The following RBM18 variants were observed in gnomAD, a reference collection of about 807,000 sequenced individuals.
The protein encoded by RBM18 is RNA binding motif protein 18, also known as probable RNA-binding protein 18.
In RBM18, 18 loss-of-function variants were observed where a neutral mutation model predicts 26.4. The observed-to-expected ratio is 0.68, with a 90% confidence interval of 0.47 to 1.01. RBM18 has a LOEUF of 1.01. RBM18 is among the 50% of genes least tolerant of loss of function. The pLI, the probability that RBM18 is intolerant of heterozygous loss-of-function variation, is 0.00. For synonymous variants in RBM18, 74 were observed against 81.1 expected, an observed-to-expected ratio of 0.91 and a Z score of 0.47; for missense variants, 180 against 219.2, an observed-to-expected ratio of 0.82 and a Z score of 1.13.
chr9:122,250,068 T>TA (rs59558933), intron 3 of RBM18, among the ~76,000 whole-genome samples: 3 of 107,170 alleles, frequency 2.8e-5, no homozygotes, highest in African/African-American at 6.9e-5. Flanking sequence ...AGACCTTATT[T>TA]AAAAAAAAAA....
At chr9:122,262,528 G>A (rs1000684752) in intron 1 of RBM18, among the ~76,000 whole-genome samples, 1 of 152,228 alleles carries the variant, frequency 6.6e-6, no homozygotes, top group Non-Finnish European at 1.5e-5. Flanking sequence ...GCAGTAGAAA[G>A]AGCAGAAACC....
chr9:122,237,779 CCA>C lies in RBM18; in HGVS notation c.*4103_*4104del, dbSNP rs1253250007. On this transcript the variant is annotated 3_prime_UTR_variant, in exon 6 of 6. Coordinates refer to ENST00000417201, the MANE Select transcript of RBM18 (RefSeq NM_033117.4). The stretch of plus-strand genomic sequence containing the variant: ...TAGTATATATTTCAGGTTTTGTAGG[CCA>C]CAGTCTTCATTGCCAACTATTCAAC... 1.3e-5 allele frequency: 2 copies of C among 152,180 alleles called. No homozygotes were observed. Among genetic ancestry groups the C allele is most frequent in the African/African-American group, 2.4e-5 (1 of 41,440 alleles). The allele number at this position is 152,180 out of a possible 1,614,324, so 9.4% of individuals were successfully genotyped here.
chr9:122,254,067 C>CAA (rs1214817101), intron 2 of RBM18, among the ~76,000 whole-genome samples: 2 of 147,924 alleles, frequency 1.4e-5, no homozygotes, highest in African/African-American at 4.9e-5. Flanking sequence ...AACACACACA[C>CAA]ACAAAAAAAA....
At chr9:122,263,312 G>A (rs1335952105) in intron 1 of RBM18, among the ~76,000 whole-genome samples, 1 of 152,152 alleles carries the variant, frequency 6.6e-6, no homozygotes, top group East Asian at 1.9e-4. Flanking sequence ...TAAACTCTGG[G>A]CTATGTACTG....
chr9:122,260,635 G>C (rs1831777758), intron 2 of RBM18, among the ~76,000 whole-genome samples: 1 of 152,120 alleles, frequency 6.6e-6, no homozygotes, highest in Admixed American at 6.6e-5. Context: ...AAAAAAGCTG[G>C]GTCCCATCAG....
intron 2 of RBM18, among the ~76,000 whole-genome samples, chr9:122,252,346 A>G (rs10818663): frequency 0.32 from 49,427 of 152,190 alleles, 9,286 homozygotes; most frequent in South Asian, 0.49. Context: ...GTGAATAACT[A>G]TAACTCCATC....
intron 2 of RBM18, among the ~76,000 whole-genome samples, chr9:122,256,690 A>G (rs752284912): frequency 1.3e-4 from 20 of 152,204 alleles, no homozygotes; most frequent in Non-Finnish European, 2.5e-4. Flanking sequence ...TTTGTGCAAA[A>G]AAACACTAAA....
chr9:122,242,106 T>G lies in RBM18; in HGVS notation c.414-63A>C, dbSNP rs560556236. 291 of 1,462,786 alleles carry G rather than the reference T, an allele frequency of 2.0e-4. 1 individual carries two copies. The African/African-American group carries it at 3.5e-3, about 17-fold the overall frequency. The allele number at this position is 1,462,786 out of a possible 1,614,324, so 90.6% of individuals were successfully genotyped here. On this transcript the variant is annotated intron_variant, in intron 5 of 5. Transcript: ENST00000417201. ...GTATATTCAGAAAATAGCTGTACAGTTCCTCTCCTTGAGCCTCTTGGGAAT... is the reference window on the plus strand; with the variant it reads ...GTATATTCAGAAAATAGCTGTACAGGTCCTCTCCTTGAGCCTCTTGGGAAT...
chr9:122,247,436 C>A (rs1162903748), intron 4 of RBM18, 82 bp downstream of exon 4: 81 of 1,149,950 alleles, frequency 7.0e-5, no homozygotes, highest in Non-Finnish European at 1.0e-4. Context: ...GAGATTGGGA[C>A]ATAAACGGGT....
chr9:122,239,984 A>T lies in RBM18; in HGVS notation c.*1900T>A, dbSNP rs970784949. 5 of 152,258 alleles carry T rather than the reference A, an allele frequency of 3.3e-5. No individual in the cohort carries two copies. The highest frequency in any genetic ancestry group is 1.2e-4 in the African/African-American group (5 of 41,466). 9.4% of individuals were successfully genotyped at this position (152,258 alleles called of 1,614,324 possible). A position where few individuals can be genotyped will look rare whatever the true frequency, so the allele number is the denominator to read the frequency against. ...GAACTGCAGTCTATGCCAGTAAGTG[A>T]ACGAGAGAAGATATAACCACACGGA... On this transcript the variant is annotated 3_prime_UTR_variant, in exon 6 of 6. Transcript: ENST00000417201.
Position 122,241,894 on chromosome 9 carries a change from G to T in RBM18, c.563C>A (p.Ser188Tyr). Residue 188 changes from serine to tyrosine, a missense_variant, in exon 6 of 6, where the codon TCT (serine) becomes TAT (tyrosine). Physicochemically the swap from Ser to Tyr is moderately radical, Grantham distance 144 (BLOSUM62 -2). This residue lies in a region of RBM18 where 103 missense variants were observed against 102.8 expected (regional missense o/e 1.00). Coordinates refer to ENST00000417201, the MANE Select transcript of RBM18 (RefSeq NM_033117.4). ...AGTAATTCACAACCATCATCTTCGA[G>T]ATTTCCATGCTGTTCTAGAATATGG... ...TTPYSRTAWK[S>Y]RR The T allele has an allele frequency of 6.2e-7, 1 of 1,611,012 alleles. No homozygotes were observed. Among genetic ancestry groups the T allele is most frequent in the Non-Finnish European group, 8.5e-7 (1 of 1,179,196 alleles).
chr9:122,245,041 T>C (rs1214892533), intron 5 of RBM18, among the ~76,000 whole-genome samples: 1 of 152,220 alleles, frequency 6.6e-6, no homozygotes, highest in Non-Finnish European at 1.5e-5. Flanking sequence ...CCCAGTCTTT[T>C]TCGAGGGAAT....
Position 122,239,017 on chromosome 9 carries a change from A to C in RBM18, c.*2867T>G, listed in dbSNP as rs570648459. On this transcript the variant is annotated 3_prime_UTR_variant, in exon 6 of 6. Transcript: ENST00000417201. ...GCATGCTGGGACTAAATCATATTTT[A>C]GGAACAAATGATTACATATAGGAAA... 3.9e-5 allele frequency: 6 copies of C among 152,236 alleles called. No individual in the cohort carries two copies. Among genetic ancestry groups the C allele is most frequent in the Non-Finnish European group, 8.8e-5 (6 of 68,044 alleles). 9.4% of individuals were successfully genotyped at this position (152,236 alleles called of 1,614,324 possible).
chr9:122,257,863 T>C (rs1367077748), intron 2 of RBM18, among the ~76,000 whole-genome samples: 6 of 152,176 alleles, frequency 3.9e-5, no homozygotes, highest in Non-Finnish European at 8.8e-5. Context: ...TGGTAGGAAC[T>C]AGCAGCAATT....
intron 2 of RBM18, chr9:122,254,327 TTTC>T: frequency 1.0e-6 from 1 of 962,674 alleles, no homozygotes; most frequent in Non-Finnish European, 1.2e-6. Context: ...TTCTCCAGGA[TTTC>T]TTTTCTTGTT....
intron 1 of RBM18, among the ~76,000 whole-genome samples, chr9:122,263,882 C>G (rs1831889642): frequency 6.6e-6 from 1 of 152,202 alleles, no homozygotes; most frequent in Admixed American, 6.5e-5. Flanking sequence ...CTAGTAACTG[C>G]ACCTTTAGCA....
Position 122,237,752 on chromosome 9 carries a change from G to C in RBM18, c.*4132C>G, listed in dbSNP as rs892768481. On this transcript the variant is annotated 3_prime_UTR_variant, in exon 6 of 6. Transcript: ENST00000417201. ...GGCAAATTTTTCCTGTAAAGGGACC[G>C]ATAGTATATATTTCAGGTTTTGTAG... 1 of 152,154 alleles carries C rather than the reference G, an allele frequency of 6.6e-6. No homozygotes were observed. The highest frequency in any genetic ancestry group is 2.4e-5 in the African/African-American group (1 of 41,424). 9.4% of individuals were successfully genotyped at this position (152,154 alleles called of 1,614,324 possible).
At chr9:122,257,200 C>A (rs939775675) in intron 2 of RBM18, among the ~76,000 whole-genome samples, 9 of 151,974 alleles carry the variant, frequency 5.9e-5, no homozygotes, top group African/African-American at 2.2e-4. Context: ...CTCAGCCTCC[C>A]GAGTAGCTGG....
intron 1 of RBM18, among the ~76,000 whole-genome samples, chr9:122,261,969 A>G (rs1831803220): frequency 6.6e-6 from 1 of 152,232 alleles, no homozygotes; most frequent in African/African-American, 2.4e-5. Context: ...AATATAGCAA[A>G]GAGAAGAGGC....
Sources: allele counts gnomAD v4.1 joint callset (sites outside exome capture counted in the v4.1 genomes callset), GRCh38; gene constraint gnomAD v4.1.1; regional missense constraint gnomAD v4.1.1; transcripts MANE v1.5; gene names NCBI Gene and HGNC (gene_info 2026-07-23, HGNC 2026-07-21).